Variants in COBLL1 observed in about 807,000 individuals in gnomAD.
The protein encoded by COBLL1 is cordon-bleu WH2 repeat protein like 1, also known as cordon-bleu protein-like 1.
Under a neutral mutation model 94.8 loss-of-function variants are expected in COBLL1, and 50 were observed. The ratio of observed to expected loss-of-function variants is 0.53; its 90% confidence interval spans 0.42 to 0.67. COBLL1 has a LOEUF of 0.67. Ranked by LOEUF, COBLL1 falls within the 30% of genes least tolerant of loss-of-function variation. The pLI, the probability that COBLL1 is intolerant of heterozygous loss-of-function variation, is 0.00. For missense variants in COBLL1, 1,362 were observed against 1,348.7 expected (o/e 1.01, Z -0.15); for synonymous variants, 448 against 473.8 (o/e 0.95, Z 0.71).
rs1683582168 is a variant in COBLL1 at position 164,841,142 on chromosome 2, C to A, written c.41+14G>T. On this transcript the variant is annotated intron_variant, in intron 2 of 13. Coordinates refer to ENST00000652658, the MANE Select transcript of COBLL1 (RefSeq NM_001365672.2). This position sits in a 1 kb window ranked among gnomAD's most constrained non-coding sequence, Gnocchi z 5.5. ...CCCTCCCCGGTGAGAGGCGGCGCGG[C>A]GCTCTGGGCTTACCTGGCTGGGGCG... 2 of 1,229,438 alleles carry A rather than the reference C, an allele frequency of 1.6e-6. No homozygotes were observed. Among genetic ancestry groups the A allele is most frequent in the African/African-American group, 1.6e-5 (1 of 64,264 alleles). 76.2% of individuals were successfully genotyped at this position (1,229,438 alleles called of 1,614,324 possible). A position where few individuals can be genotyped will look rare whatever the true frequency, so the allele number is the denominator to read the frequency against.
intron 2 of COBLL1, among the ~76,000 whole-genome samples, chr2:164,760,518 C>T (rs1310130433): frequency 6.6e-6 from 1 of 152,084 alleles, no homozygotes; most frequent in Non-Finnish European, 1.5e-5. Flanking sequence ...AACTATAAAC[C>T]TAAATCAACA....
At chr2:164,677,378 T>G (rs1435541275), downstream of COBLL1, among the ~76,000 whole-genome samples, 1 of 152,146 alleles carries the variant, frequency 6.6e-6, no homozygotes, top group Non-Finnish European at 1.5e-5. Context: ...TGTTGAGTTT[T>G]AGGTTGTACC....
At chr2:164,793,156 G>A (rs1683275343) in intron 2 of COBLL1, among the ~76,000 whole-genome samples, 1 of 152,194 alleles carries the variant, frequency 6.6e-6, no homozygotes, top group Non-Finnish European at 1.5e-5. Flanking sequence ...CCAGTATAAT[G>A]TAATTCAAAC....
intron 2 of COBLL1, among the ~76,000 whole-genome samples, chr2:164,755,206 A>G (rs1219581693): frequency 1.3e-5 from 2 of 152,290 alleles, no homozygotes; most frequent in African/African-American, 2.4e-5. Flanking sequence ...GTTTTTAAAG[A>G]CACAGGTTTC....
In COBLL1 at chr2:164,680,991, A is replaced by G. The variant is rs1265042419; in HGVS notation, c.*4955T>C. 6.6e-6 allele frequency: 1 copy of G among 152,128 alleles called. No individual in the cohort carries two copies. Among genetic ancestry groups the G allele is most frequent in the Non-Finnish European group, 1.5e-5 (1 of 68,016 alleles). The allele number at this position is 152,128 out of a possible 1,614,324, so 9.4% of individuals were successfully genotyped here. A position where few individuals can be genotyped will look rare whatever the true frequency, so the allele number is the denominator to read the frequency against. On this transcript the variant is annotated 3_prime_UTR_variant, in exon 14 of 14. Coordinates refer to ENST00000652658, the MANE Select transcript of COBLL1 (RefSeq NM_001365672.2). ...AAAAAAATATTTAGAATTGCTTTTAACTGGTTGGGAGCTAGACAGAAAGTC... is the reference window on the plus strand; with the variant it reads ...AAAAAAATATTTAGAATTGCTTTTAGCTGGTTGGGAGCTAGACAGAAAGTC...
chr2:164,787,877 G>A (rs752009407), intron 2 of COBLL1, among the ~76,000 whole-genome samples: 7 of 152,132 alleles, frequency 4.6e-5, no homozygotes, highest in Non-Finnish European at 8.8e-5. Flanking sequence ...TGATTTCATA[G>A]TGCCTTCTTT....
intron 2 of COBLL1, among the ~76,000 whole-genome samples, chr2:164,782,979 A>AT (rs557317998): frequency 1.5e-4 from 23 of 151,978 alleles, no homozygotes; most frequent in Middle Eastern, 6.8e-3. Context: ...TTGCTTTCCC[A>AT]TTTTTTTTCA....
At chr2:164,752,180 T>C (rs906875014) in intron 2 of COBLL1, among the ~76,000 whole-genome samples, 1 of 152,106 alleles carries the variant, frequency 6.6e-6, no homozygotes, top group Non-Finnish European at 1.5e-5. Context: ...GTGTTGACTG[T>C]GTGTTAGAAA....
At chr2:164,832,226 C>T (rs1303691467) in intron 2 of COBLL1, among the ~76,000 whole-genome samples, 2 of 152,206 alleles carry the variant, frequency 1.3e-5, no homozygotes, top group Non-Finnish European at 2.9e-5. Flanking sequence ...AGCATCTTAA[C>T]TCTACTTCCT....
chr2:164,730,853 T>C lies in COBLL1; in HGVS notation c.231-738A>G, dbSNP rs114992269. Among the ~76,000 whole-genome samples, 798 of 152,326 alleles carry C rather than the reference T, an allele frequency of 5.2e-3. 6 individuals carry two copies. The highest frequency in any genetic ancestry group is 6.6e-3 in the Non-Finnish European group (450 of 68,030). On this transcript the variant is annotated intron_variant, in intron 3 of 13. Coordinates refer to ENST00000652658, the MANE Select transcript of COBLL1 (RefSeq NM_001365672.2). ...CACTTTTTGGCTTTAGAAAACAGAC[T>C]GTAAATATCTGCATAGGAAGTCCAC... is the stretch of plus-strand genomic sequence containing the variant.
intron 2 of COBLL1, among the ~76,000 whole-genome samples, chr2:164,802,370 G>A (rs1250348329): frequency 2.0e-5 from 3 of 152,156 alleles, no homozygotes; most frequent in African/African-American, 7.2e-5. Context: ...CCTCTATAAT[G>A]TAGGCTAAGA....
chr2:164,722,352 A>T (rs1467288387), intron 6 of COBLL1, 41 bp from the exon 7 acceptor site: 1 of 1,558,006 alleles, frequency 6.4e-7, no homozygotes, highest in Non-Finnish European at 8.8e-7. Context: ...TAATTTCAAG[A>T]TATTAGTAAA....
intron 2 of COBLL1, among the ~76,000 whole-genome samples, chr2:164,754,703 A>G (rs1429873769): frequency 2.6e-5 from 4 of 152,356 alleles, no homozygotes; most frequent in Admixed American, 2.0e-4. Flanking sequence ...TTTAGAGCAC[A>G]TCGTCTTTGC....
At chr2:164,687,549 A>T (rs910395159) in intron 13 of COBLL1, 4 of 1,273,498 alleles carry the variant, frequency 3.1e-6, no homozygotes, top group Admixed American at 1.7e-5. Flanking sequence ...CCCTGACCAC[A>T]GTGCCCTGGG....
rs59798441 is a variant in COBLL1 at position 164,757,300 on chromosome 2, GTAAA to G, written c.42-13429_42-13426del. On this transcript the variant is annotated intron_variant, in intron 2 of 13. Transcript: ENST00000652658. ...AAATAAATGTTCAATAAATGTTTAT[GTAAA>G]TAAATGTTCAAAAAATAAATGTTCA... 4.2e-3 allele frequency among the ~76,000 whole-genome samples: 632 copies of G among 152,188 alleles called. 2 individuals carry two copies. Among genetic ancestry groups the G allele is most frequent in the African/African-American group, 0.014 (578 of 41,514 alleles).
intron 2 of COBLL1, among the ~76,000 whole-genome samples, chr2:164,809,770 A>C (rs1425167378): frequency 6.6e-6 from 1 of 151,934 alleles, no homozygotes; most frequent in Non-Finnish European, 1.5e-5. Context: ...CATGATATAT[A>C]ATTTCTCAAA....
rs971468342 is a variant in COBLL1 at position 164,669,057 on chromosome 2, T to TC, written n.127-3157dup. Reference sequence around the variant, plus strand: ...CCTTAGCAATAGCTGAACATAGTTTTCCCCCCAAAAGTTGACAGCACTGAT... The same window carrying TC: ...CCTTAGCAATAGCTGAACATAGTTTTCCCCCCCAAAAGTTGACAGCACTGAT... On this transcript the variant is annotated intron_variant and non_coding_transcript_variant, in intron 1 of 2. Coordinates refer to the COBLL1 transcript ENST00000495084. Among the ~76,000 whole-genome samples, 17 of 152,326 alleles carry TC rather than the reference T, an allele frequency of 1.1e-4. No individual in the cohort carries two copies. In the Middle Eastern group the frequency reaches 0.014, roughly 122 times the overall value.
At chr2:164,734,885 A>C (rs1574492126) in intron 3 of COBLL1, among the ~76,000 whole-genome samples, 2 of 152,284 alleles carry the variant, frequency 1.3e-5, no homozygotes, top group East Asian at 3.9e-4. Context: ...AAAGGATGAA[A>C]TTTCAAAAGC....
chr2:164,814,511 A>G (rs1684618163), intron 2 of COBLL1, among the ~76,000 whole-genome samples: 1 of 152,214 alleles, frequency 6.6e-6, no homozygotes, highest in African/African-American at 2.4e-5. Flanking sequence ...CATTGAATAA[A>G]TCAACTAAAA....
Sources: gnomAD v4.1 joint callset for allele counts (sites outside exome capture counted in the v4.1 genomes callset) on GRCh38, gnomAD v4.1.1 for gene constraint, Gnocchi (gnomAD v3.1) non-coding constraint, MANE v1.5 for transcripts, NCBI Gene and HGNC (gene_info 2026-07-23, HGNC 2026-07-21) for gene names.